Variants in RSPH3 observed in about 807,000 individuals in gnomAD.
The protein encoded by RSPH3 is radial spoke head 3, also known as radial spoke head protein 3 homolog.
A neutral mutation model predicts 43.8 loss-of-function variants in RSPH3; 21 were observed. The observed-to-expected ratio is 0.48, with a 90% CI of 0.34 to 0.69. RSPH3 has a LOEUF of 0.69. Among genes scored for constraint, RSPH3 ranks in the 30% least tolerant of loss-of-function variants. The pLI is 0.01. For missense variants in RSPH3, 487 were observed against 516.0 expected (o/e 0.94, Z 0.54); for synonymous variants, 173 against 179.8 (o/e 0.96, Z 0.30).
At position 158,999,842 on chromosome 6, in the gene RSPH3, A is replaced by T. The variant is rs764036988; in HGVS notation, c.-292T>A. On this transcript the variant is annotated 5_prime_UTR_variant, in exon 1 of 8. Coordinates refer to ENST00000367069, the MANE Select transcript of RSPH3 (RefSeq NM_031924.8). ...GGAACTCCGGGCAGTTCCGGTCCCC[A>T]GGTTTCCCGGGAAGGACTGCGGCAC... The T allele has an allele frequency of 9.3e-6, 15 of 1,613,636 alleles. No homozygotes were observed. Among genetic ancestry groups the T allele is most frequent in the South Asian group, 5.5e-5 (5 of 91,070 alleles).
intron 4 of RSPH3, among the ~76,000 whole-genome samples, chr6:158,982,902 C>G (rs1778083099): frequency 6.6e-6 from 1 of 152,068 alleles, no homozygotes; most frequent in Non-Finnish European, 1.5e-5. Context: ...ATGAAAAAAA[C>G]CTACGCATTC....
chr6:158,995,398 T>C (rs559370498), intron 1 of RSPH3, among the ~76,000 whole-genome samples: 1 of 152,234 alleles, frequency 6.6e-6, no homozygotes, highest in South Asian at 2.1e-4. Context: ...ATGTCCAAAA[T>C]GGGTGTCAAC....
rs1045292059 is a variant in RSPH3 at position 158,974,614 on chromosome 6, A to G, written c.*2924T>C. 6.6e-6 allele frequency: 1 copy of G among 152,168 alleles called. No homozygotes were observed. Among genetic ancestry groups the G allele is most frequent in the African/African-American group, 2.4e-5 (1 of 41,442 alleles). The allele number at this position is 152,168 out of a possible 1,614,324, so 9.4% of individuals were successfully genotyped here. ...ACCTCTAAGCTTTCTCACAGCGACAATGCCCTAACCTCTCAATTATTTTGA... is the reference window on the plus strand; with the variant it reads ...ACCTCTAAGCTTTCTCACAGCGACAGTGCCCTAACCTCTCAATTATTTTGA... On this transcript the variant is annotated 3_prime_UTR_variant, in exon 8 of 8. Transcript: ENST00000367069.
At chr6:158,985,743 C>T (rs1324632802) in intron 3 of RSPH3, among the ~76,000 whole-genome samples, 1 of 151,692 alleles carries the variant, frequency 6.6e-6, no homozygotes, top group African/African-American at 2.4e-5. Flanking sequence ...TTTTTTAAAC[C>T]CCATCCCAGA....
rs1350660939 is a variant in RSPH3, at chr6:158,977,743, A to T, written c.1052T>A (p.Met351Lys). ...PEDEPGGPGA[M>K]TESLEASEFL... is the part of the protein sequence containing the mutation. ...TTCAGAGGCCTCCAGTGACTCTGTCATTGCTCCAGGACCACCAGGCTCATC... is the reference window on the plus strand; with the variant it reads ...TTCAGAGGCCTCCAGTGACTCTGTCTTTGCTCCAGGACCACCAGGCTCATC... Residue 351 changes from methionine to lysine, a missense_variant, in exon 8 of 8, where the codon ATG becomes AAG. Transcript: ENST00000367069. 3.1e-6 allele frequency: 5 copies of T among 1,614,128 alleles called. No homozygotes were observed. Among genetic ancestry groups the T allele is most frequent in the Non-Finnish European group, 4.2e-6 (5 of 1,179,994 alleles).
chr6:158,983,610 C>G, intron 4 of RSPH3, 52 bp downstream of exon 4: 1 of 1,411,210 alleles, frequency 7.1e-7, no homozygotes, highest in Non-Finnish European at 1.0e-6. Flanking sequence ...CTACACCTAA[C>G]TTTACCTCAT....
chr6:158,990,520 G>A (rs1366310084), intron 2 of RSPH3: 2 of 152,120 alleles, frequency 1.3e-5, no homozygotes, highest in Non-Finnish European at 2.9e-5. Context: ...GAGCTTGATA[G>A]TTCTTTAAGG....
rs1293180017 is a variant in RSPH3 at position 158,989,415 on chromosome 6, C to T, written c.205-2994G>A. On this transcript the variant is annotated intron_variant, in intron 2 of 7. Coordinates refer to ENST00000367069, the MANE Select transcript of RSPH3 (RefSeq NM_031924.8). This position sits in a 1 kb window ranked among gnomAD's most constrained non-coding sequence, Gnocchi z 4.3. Reference sequence around the variant, plus strand: ...GGTGGTGCCTTAAGGCCAGGTTCACCTGGCTCTAGTAAATGATCAGAGCAC... The same window carrying T: ...GGTGGTGCCTTAAGGCCAGGTTCACTTGGCTCTAGTAAATGATCAGAGCAC... Among the ~76,000 whole-genome samples the T allele has an allele frequency of 6.6e-6, 1 of 152,154 alleles. No individual in the cohort carries two copies. The highest frequency in any genetic ancestry group is 1.5e-5 in the Non-Finnish European group (1 of 68,028).
chr6:158,967,282 C>T, the RSPH3 span, among the ~76,000 whole-genome samples: 1 of 152,158 alleles, frequency 6.6e-6, no homozygotes, highest in Admixed American at 6.6e-5. Context: ...AGGCACGAGC[C>T]ACAGCATCTG....
In RSPH3 at chr6:158,974,430, T is replaced by A. The variant is rs1352926563; in HGVS notation, c.*3108A>T. ...AAGAGTTTTATGTTCCCAAACCATTTGCAAAAGTTGCTTACAGTTATGAAA... is the reference window on the plus strand; with the variant it reads ...AAGAGTTTTATGTTCCCAAACCATTAGCAAAAGTTGCTTACAGTTATGAAA... On this transcript the variant is annotated 3_prime_UTR_variant, in exon 8 of 8. Transcript: ENST00000367069. The A allele has an allele frequency of 2.0e-5, 3 of 152,224 alleles. No individual in the cohort carries two copies. The highest frequency in any genetic ancestry group is 4.4e-5 in the Non-Finnish European group (3 of 68,036). 9.4% of individuals were successfully genotyped at this position (152,224 alleles called of 1,614,324 possible).
In RSPH3 at chr6:158,974,290, A is replaced by G. The variant is rs1430468766; in HGVS notation, c.*3248T>C. On this transcript the variant is annotated 3_prime_UTR_variant, in exon 8 of 8. Transcript: ENST00000367069. Reference sequence around the variant, plus strand: ...GTATTTGGAGCTTATAATTCCTTTAAAAGTCATACTGAGGGTCATAGTTGG... The same window carrying G: ...GTATTTGGAGCTTATAATTCCTTTAGAAGTCATACTGAGGGTCATAGTTGG... The G allele has an allele frequency of 6.6e-6, 1 of 152,244 alleles. No homozygotes were observed. Among genetic ancestry groups the G allele is most frequent in the Non-Finnish European group, 1.5e-5 (1 of 68,046 alleles). 9.4% of individuals were successfully genotyped at this position (152,244 alleles called of 1,614,324 possible).
chr6:158,990,782 C>T (rs539939381), intron 2 of RSPH3, among the ~76,000 whole-genome samples: 75 of 151,794 alleles, frequency 4.9e-4, no homozygotes, highest in Admixed American at 1.2e-3. Flanking sequence ...TTTTCAAGCA[C>T]GATTTCTTCA....
chr6:158,970,516 A>G (rs960204634), downstream of RSPH3, among the ~76,000 whole-genome samples: 2 of 151,542 alleles, frequency 1.3e-5, no homozygotes, highest in Admixed American at 1.3e-4. Context: ...TGTACCCTAT[A>G]TGTAGTTTCC....
At chr6:158,995,476 C>T (rs1481442793) in intron 1 of RSPH3, among the ~76,000 whole-genome samples, 1 of 152,164 alleles carries the variant, frequency 6.6e-6, no homozygotes, top group Non-Finnish European at 1.5e-5. Context: ...CTAGAGACTG[C>T]CCTCATTCCG....
At position 158,994,854 on chromosome 6, in the gene RSPH3, C is replaced by CT. The variant is rs201558379; in HGVS notation, c.117-929dup. On this transcript the variant is annotated intron_variant, in intron 1 of 7. Coordinates refer to ENST00000367069, the MANE Select transcript of RSPH3 (RefSeq NM_031924.8). ...ATGATTCTGAGTGGGGTATAAGTTG[C>CT]TTTTTTTTCATATATTGAAGCCACT... Among the ~76,000 whole-genome samples, 5 of 151,884 alleles carry CT rather than the reference C, an allele frequency of 3.3e-5. No homozygotes were observed. In the East Asian group the frequency reaches 9.6e-4, roughly 29 times the overall value.
Position 158,982,508 on chromosome 6 carries a change from C to T in RSPH3, c.673G>A (p.Glu225Lys), listed in dbSNP as rs760983224. The change falls in exon 5 of 8, where the codon GAG becomes AAG. Residue 225 changes from glutamate (E) to lysine (K), a missense_variant. Coordinates refer to ENST00000367069, the MANE Select transcript of RSPH3 (RefSeq NM_031924.8). ...RAEVQRLEEQ[E>K]RRHREEKERR... is the part of the protein sequence containing the mutation. ...ACTTTTTCTTCTCGGTGTCGCCTCTCTTGCTCTTCAAGTCGTTGAACTTCA... is the reference window on the plus strand; with the variant it reads ...ACTTTTTCTTCTCGGTGTCGCCTCTTTTGCTCTTCAAGTCGTTGAACTTCA... The T allele has an allele frequency of 1.3e-6, 2 of 1,486,584 alleles. No individual in the cohort carries two copies. The highest frequency in any genetic ancestry group is 1.8e-6 in the Non-Finnish European group (2 of 1,114,330). The allele number at this position is 1,486,584 out of a possible 1,614,324, so 92.1% of individuals were successfully genotyped here.
At chr6:158,993,746 G>T in intron 2 of RSPH3, 93 bp downstream of exon 2, 12 of 660,762 alleles carry the variant, frequency 1.8e-5, no homozygotes, top group South Asian at 6.9e-5. Context: ...GAATGTTTTA[G>T]TCTGCAACGG....
At chr6:158,969,547 T>C (rs1200727350), downstream of RSPH3, among the ~76,000 whole-genome samples, 3 of 152,228 alleles carry the variant, frequency 2.0e-5, no homozygotes, top group African/African-American at 7.2e-5. Flanking sequence ...AAGATCAACA[T>C]TTTTCATCAA....
At position 158,989,569 on chromosome 6, in the gene RSPH3, T is replaced by G. The variant is rs1222752366; in HGVS notation, c.205-3148A>C. Among the ~76,000 whole-genome samples the G allele has an allele frequency of 6.6e-6, 1 of 152,170 alleles. No homozygotes were observed. The highest frequency in any genetic ancestry group is 1.9e-4 in the East Asian group (1 of 5,188). ...GGTGCTGCTGAACAGCCACTCTGAT[T>G]TGGTGTTTCCTTTGGTTGAGTTATA... On this transcript the variant is annotated intron_variant, in intron 2 of 7. Transcript: ENST00000367069. This position sits in a 1 kb window ranked among gnomAD's most constrained non-coding sequence, Gnocchi z 4.3.
Sources: gnomAD v4.1 joint callset for allele counts (sites outside exome capture counted in the v4.1 genomes callset) on GRCh38, gnomAD v4.1.1 for gene constraint, Gnocchi (gnomAD v3.1) non-coding constraint, MANE v1.5 for transcripts, NCBI Gene and HGNC (gene_info 2026-07-23, HGNC 2026-07-21) for gene names.